The following GPR176 variants were observed in gnomAD, a reference collection of about 807,000 sequenced individuals.
GPR176 encodes G protein-coupled receptor 176, also known as G-protein coupled receptor 176.
Under a neutral mutation model 35.4 loss-of-function variants are expected in GPR176, and 26 were observed. The ratio of observed to expected loss-of-function variants is 0.74; its 90% CI spans 0.54 to 1.02. The LOEUF is 1.02. Ranked by LOEUF, GPR176 falls within the 50% of genes least tolerant of loss-of-function variation. The pLI is 0.00. For synonymous variants in GPR176, 278 were observed against 271.3 expected (o/e 1.02, Z -0.24); for missense variants, 597 against 665.3 (o/e 0.90, Z 1.13).
At chr15:39,869,152 TAAAAAAAAAAA>T (rs66463189) in intron 1 of GPR176, among the ~76,000 whole-genome samples, 5 of 130,026 alleles carry the variant, frequency 3.8e-5, no homozygotes, top group African/African-American at 5.8e-5. Context: ...AACTGCTTTT[TAAAAAAAAAAA>T]AAAAAAAAAA....
At chr15:39,865,803 A>G (rs188100874) in intron 1 of GPR176, among the ~76,000 whole-genome samples, 5 of 152,286 alleles carry the variant, frequency 3.3e-5, no homozygotes. Context: ...ACATCTAACA[A>G]AATTTCATAT....
chr15:39,884,584 C>T (rs1419622975), intron 1 of GPR176, among the ~76,000 whole-genome samples: 1 of 152,184 alleles, frequency 6.6e-6, no homozygotes, highest in Non-Finnish European at 1.5e-5. Flanking sequence ...CTTCTAATTT[C>T]CTCCCTGCCA....
At chr15:39,914,596 C>T (rs1481220399) in intron 1 of GPR176, among the ~76,000 whole-genome samples, 1 of 152,180 alleles carries the variant, frequency 6.6e-6, no homozygotes, top group Non-Finnish European at 1.5e-5. Context: ...AGGCATGAGC[C>T]ACCACACCTG....
intron 1 of GPR176, among the ~76,000 whole-genome samples, chr15:39,887,200 T>C (rs918185348): frequency 6.6e-6 from 1 of 152,164 alleles, no homozygotes; most frequent in African/African-American, 2.4e-5. Flanking sequence ...CCAAAATCCA[T>C]ACTTGGAAAC....
chr15:39,885,703 G>C (rs946380834), intron 1 of GPR176, among the ~76,000 whole-genome samples: 2 of 152,118 alleles, frequency 1.3e-5, no homozygotes, highest in African/African-American at 4.8e-5. Context: ...TCTGGATCTT[G>C]TTATATGTAA....
intron 1 of GPR176, among the ~76,000 whole-genome samples, chr15:39,859,949 T>C (rs1488214639): frequency 6.6e-6 from 1 of 151,046 alleles, no homozygotes; most frequent in East Asian, 1.9e-4. Context: ...AGATGGTAAA[T>C]ATGTGGCATG....
Position 39,920,155 on chromosome 15 carries a change from GT to G in GPR176, c.-130del. On this transcript the variant is annotated 5_prime_UTR_variant, in exon 1 of 3. Transcript: ENST00000561100. The stretch of plus-strand genomic sequence containing the variant: ...CTGGAGAAGCCGGAGCAGCCGACGG[GT>G]CCCCTCACGTCTCCACATCGCCAAC... The G allele has an allele frequency of 1.8e-6, 1 of 553,920 alleles. No individual in the cohort carries two copies. Among genetic ancestry groups the G allele is most frequent in the Non-Finnish European group, 2.7e-6 (1 of 363,982 alleles). 34.3% of individuals were successfully genotyped at this position (553,920 alleles called of 1,614,324 possible). A position where few individuals can be genotyped will look rare whatever the true frequency, so the allele number is the denominator to read the frequency against.
rs1034064565 is a variant in GPR176, at chr15:39,799,165, G to A, written c.*1967C>T. The A allele has an allele frequency of 9.2e-5, 14 of 152,102 alleles. No individual in the cohort carries two copies. Among genetic ancestry groups the A allele is most frequent in the African/African-American group, 3.4e-4 (14 of 41,380 alleles). The allele number at this position is 152,102 out of a possible 1,614,324, so 9.4% of individuals were successfully genotyped here. Reference sequence around the variant, plus strand: ...ATTCTGCCTCATCAAAATTTATTAAGTTGTACATATACAGTATATTATCAG... The same window carrying A: ...ATTCTGCCTCATCAAAATTTATTAAATTGTACATATACAGTATATTATCAG... On this transcript the variant is annotated 3_prime_UTR_variant, in exon 3 of 3. Coordinates refer to ENST00000561100, the MANE Select transcript of GPR176 (RefSeq NM_007223.3).
intron 1 of GPR176, among the ~76,000 whole-genome samples, chr15:39,886,275 C>T (rs537037929): frequency 3.3e-5 from 5 of 152,084 alleles, no homozygotes; most frequent in South Asian, 2.1e-4. Flanking sequence ...TTAGACTTTG[C>T]CTACCAGGAA....
chr15:39,886,125 C>G (rs796956910), intron 1 of GPR176, among the ~76,000 whole-genome samples: 11 of 151,974 alleles, frequency 7.2e-5, no homozygotes, highest in African/African-American at 2.7e-4. Context: ...CCCAGCTACT[C>G]GGGAGGCTGG....
At chr15:39,892,558 T>C (rs961514343) in intron 1 of GPR176, among the ~76,000 whole-genome samples, 3 of 152,200 alleles carry the variant, frequency 2.0e-5, no homozygotes, top group Admixed American at 6.5e-5. Context: ...AAACAATCTT[T>C]GCAGATGTAG....
At chr15:39,833,198 C>T (rs911628791) in intron 1 of GPR176, among the ~76,000 whole-genome samples, 5 of 152,002 alleles carry the variant, frequency 3.3e-5, no homozygotes, top group Admixed American at 2.6e-4. Flanking sequence ...GAAACTTGTA[C>T]AAAAATGTTC....
chr15:39,803,043 G>A (rs1246619771), intron 2 of GPR176, among the ~76,000 whole-genome samples: 9 of 152,036 alleles, frequency 5.9e-5, no homozygotes, highest in South Asian at 2.1e-4. Flanking sequence ...AAAGCATGCC[G>A]TTTCAATATC....
chr15:39,807,308 CT>C, intron 1 of GPR176, 50 bp from the exon 2 acceptor site: 1 of 1,232,132 alleles, frequency 8.1e-7, no homozygotes, highest in Non-Finnish European at 1.1e-6. Context: ...AATTTAAGAA[CT>C]AAAAAAAGGA....
At chr15:39,844,622 G>T (rs1595472909) in intron 1 of GPR176, among the ~76,000 whole-genome samples, 1 of 151,922 alleles carries the variant, frequency 6.6e-6, no homozygotes, top group East Asian at 1.9e-4. Flanking sequence ...TGAGAATTTG[G>T]GGCAAGAACC....
chr15:39,808,666 T>C (rs1265661152), intron 1 of GPR176, among the ~76,000 whole-genome samples: 7 of 152,224 alleles, frequency 4.6e-5, no homozygotes, highest in Non-Finnish European at 1.0e-4. Flanking sequence ...TCTTGTTCAC[T>C]GTTGTAACTC....
chr15:39,829,644 C>A (rs1202623227), intron 1 of GPR176, among the ~76,000 whole-genome samples: 2 of 151,952 alleles, frequency 1.3e-5, no homozygotes, highest in Non-Finnish European at 2.9e-5. Context: ...TTCCCACCCA[C>A]CTGAACGCCT....
intron 1 of GPR176, among the ~76,000 whole-genome samples, chr15:39,908,351 T>C (rs2033479621): frequency 6.6e-6 from 1 of 152,170 alleles, no homozygotes; most frequent in African/African-American, 2.4e-5. Flanking sequence ...CTGATTTCCA[T>C]TGCATCAGGC....
intron 1 of GPR176, among the ~76,000 whole-genome samples, chr15:39,809,745 G>A (rs1410323094): frequency 1.3e-5 from 2 of 152,108 alleles, no homozygotes; most frequent in Non-Finnish European, 2.9e-5. Flanking sequence ...CAACCAAAAA[G>A]GAAATAAGAG....
Sources: allele counts gnomAD v4.1 joint callset (sites outside exome capture counted in the v4.1 genomes callset), GRCh38; gene constraint gnomAD v4.1.1; transcripts MANE v1.5; gene names NCBI Gene and HGNC (gene_info 2026-07-23, HGNC 2026-07-21).